The following CPLANE1 variants were observed in gnomAD, a reference collection of about 807,000 sequenced individuals.
CPLANE1 encodes the protein ciliogenesis and planar polarity effector 1.
CPLANE1 carries 263 observed loss-of-function variants against 362.5 expected under a neutral mutation model. The ratio of observed to expected loss-of-function variants is 0.73; its 90% CI spans 0.66 to 0.80. CPLANE1 has a LOEUF of 0.80. Among genes scored for constraint, CPLANE1 ranks in the 30% least tolerant of loss-of-function variants. The pLI is 0.00. For missense variants in CPLANE1, 3,461 were observed against 3,793.4 expected (o/e 0.91, Z 2.30); for synonymous variants, 1,212 against 1,302.6 (o/e 0.93, Z 1.50).
At chr5:37,122,122 G>A (rs1482514405) in intron 48 of CPLANE1, among the ~76,000 whole-genome samples, 1 of 152,112 alleles carries the variant, frequency 6.6e-6, no homozygotes, top group East Asian at 1.9e-4. Flanking sequence ...TGATTAGGCA[G>A]TATTATTAAA....
intron 16 of CPLANE1, chr5:37,210,136 A>C: frequency 1.0e-6 from 1 of 954,934 alleles, no homozygotes; most frequent in Non-Finnish European, 1.7e-6. Context: ...GCAAAATCTG[A>C]AGCCCTTGTT....
intron 21 of CPLANE1, among the ~76,000 whole-genome samples, chr5:37,192,757 G>T (rs996917477): frequency 6.7e-6 from 1 of 148,530 alleles, no homozygotes; most frequent in Admixed American, 6.7e-5. Context: ...CCAGCTACTC[G>T]GGAGGCTAAG....
intron 21 of CPLANE1, among the ~76,000 whole-genome samples, 195 bp from the exon 22 acceptor site, chr5:37,188,037 AACAG>A (rs1291952370): frequency 6.6e-6 from 1 of 152,226 alleles, no homozygotes; most frequent in African/African-American, 2.4e-5. Context: ...ATAAGTCACT[AACAG>A]ATATTCATTT....
the CPLANE1 span, among the ~76,000 whole-genome samples, chr5:37,099,227 C>T: frequency 1.4e-4 from 22 of 152,122 alleles, no homozygotes; most frequent in African/African-American, 4.8e-4. Context: ...CAGATCATCC[C>T]ATCACCTAGA....
chr5:37,076,389 G>A, the CPLANE1 span, among the ~76,000 whole-genome samples: 5 of 151,830 alleles, frequency 3.3e-5, no homozygotes, highest in Non-Finnish European at 5.9e-5. Flanking sequence ...TCTGCTCACC[G>A]CAACCTTCGC....
Position 37,226,511 on chromosome 5 carries a change from A to C in CPLANE1, c.2084T>G (p.Val695Gly). 6.5e-7 allele frequency: 1 copy of C among 1,548,594 alleles called. No individual in the cohort carries two copies. Among genetic ancestry groups the C allele is most frequent in the Non-Finnish European group, 8.7e-7 (1 of 1,145,958 alleles). ...LLACFYLLKM[V>G]ADNLNGVYIL... ...GTATACACCATTTAAATTGTCAGCT[A>C]CCATTTTGAGTAAATAAAAACAAGC... The change falls in exon 12 of 53, where the codon GTA becomes GGA. Residue 695 changes from valine to glycine, a missense_variant. This residue lies in a region of CPLANE1 where 3,380 missense variants were observed against 3,666.1 expected (regional missense o/e 0.92). Transcript: ENST00000651892.
intron 32 of CPLANE1, among the ~76,000 whole-genome samples, chr5:37,170,941 C>T (rs373832853): frequency 4.0e-5 from 6 of 151,830 alleles, no homozygotes; most frequent in African/African-American, 1.2e-4. Context: ...TCTACACACA[C>T]GAAAAAAGAC....
rs772468415 is a variant in CPLANE1, at chr5:37,227,442, T to C, written c.1372-50A>G. The C allele has an allele frequency of 2.0e-6, 3 of 1,500,680 alleles. No homozygotes were observed. In the South Asian group the frequency reaches 4.0e-5, roughly 20 times the overall value. The allele number at this position is 1,500,680 out of a possible 1,614,324, so 93.0% of individuals were successfully genotyped here. On this transcript the variant is annotated intron_variant, in intron 10 of 52. Coordinates refer to ENST00000651892, the MANE Select transcript of CPLANE1 (RefSeq NM_001384732.1). Reference sequence around the variant, plus strand: ...TCCAAGAGCAAAATGTTATCTGTAATTCTATTATAAGCAATTAAAAATTCT... The same window carrying C: ...TCCAAGAGCAAAATGTTATCTGTAACTCTATTATAAGCAATTAAAAATTCT...
intron 35 of CPLANE1, 104 bp downstream of exon 35, chr5:37,166,943 T>A: frequency 1.2e-6 from 1 of 860,666 alleles, no homozygotes; most frequent in Non-Finnish European, 1.8e-6. Context: ...GAATGTGCAA[T>A]TGTGTATAGC....
intron 23 of CPLANE1, among the ~76,000 whole-genome samples, chr5:37,186,789 G>C (rs1454139881): frequency 6.6e-6 from 1 of 152,132 alleles, no homozygotes; most frequent in East Asian, 1.9e-4. Flanking sequence ...GCCCGGCGCG[G>C]TGGCTCACGC....
At chr5:37,098,068 T>A in the CPLANE1 span, among the ~76,000 whole-genome samples, 2 of 151,954 alleles carry the variant, frequency 1.3e-5, no homozygotes, top group Non-Finnish European at 2.9e-5. Context: ...AGAGACAGAC[T>A]CCAATACAGT....
At chr5:37,157,522 G>C in intron 40 of CPLANE1, 102 bp from the exon 41 acceptor site, 1 of 1,138,262 alleles carries the variant, frequency 8.8e-7, no homozygotes, top group Non-Finnish European at 1.3e-6. Flanking sequence ...AAGGTAATCC[G>C]AAGATTAACA....
chr5:37,131,360 C>G (rs888083933), intron 46 of CPLANE1, among the ~76,000 whole-genome samples: 1 of 152,118 alleles, frequency 6.6e-6, no homozygotes, highest in African/African-American at 2.4e-5. Flanking sequence ...TTCTAATGCA[C>G]AAACTCTAGC....
chr5:37,085,632 T>A, the CPLANE1 span: 1 of 990,190 alleles, frequency 1.0e-6, no homozygotes, highest in Non-Finnish European at 1.6e-6. Context: ...AACCTGGGAA[T>A]AACTGGTGTG....
the CPLANE1 span, among the ~76,000 whole-genome samples, chr5:37,088,320 G>C: frequency 6.6e-6 from 1 of 152,204 alleles, no homozygotes; most frequent in East Asian, 1.9e-4. Flanking sequence ...AGCCACAGTT[G>C]GGGAGCTTCT....
intron 12 of CPLANE1, among the ~76,000 whole-genome samples, chr5:37,225,037 AGCCTC>A (rs1208087352): frequency 2.0e-5 from 3 of 149,670 alleles, no homozygotes; most frequent in Non-Finnish European, 3.0e-5. Flanking sequence ...ACCCTACCTC[AGCCTC>A]CCGAACAGGT....
rs757626213 is a variant in CPLANE1, at chr5:37,183,580, G to A, written c.4601C>T (p.Thr1534Ile). 3.1e-6 allele frequency: 5 copies of A among 1,612,154 alleles called. No individual in the cohort carries two copies. In the South Asian group the frequency reaches 3.3e-5, roughly 11 times the overall value. Residue 1534 changes from threonine to isoleucine, a missense_variant, in exon 26 of 53, where the codon ACA becomes ATA. Transcript: ENST00000651892. Reference sequence around the variant, plus strand: ...TTCCCAAACACCTATTACAGGAAGTGTATTTTGTGATAACTTTTCATGATC... The same window carrying A: ...TTCCCAAACACCTATTACAGGAAGTATATTTTGTGATAACTTTTCATGATC... Reference protein sequence around the residue: ...KEDHEKLSQNTLPVIGVWEFE... With the variant: ...KEDHEKLSQNILPVIGVWEFE...
chr5:37,217,031 T>C (rs1794231083), intron 15 of CPLANE1, among the ~76,000 whole-genome samples: 1 of 152,196 alleles, frequency 6.6e-6, no homozygotes. Context: ...GAAAATTTTA[T>C]TAGCCTTCAA....
At position 37,227,689 on chromosome 5, in the gene CPLANE1, C is replaced by T; in HGVS notation, c.1250G>A (p.Gly417Glu). ...SRLPYLVISD[G>E]YMVTTLRFLD... ...AAATCGAAGGGTTGTGACCATATAT[C>T]CATCAGATATAACGAGGTAGGGTAA... Residue 417 changes from glycine (G) to glutamate (E), a missense_variant, in exon 10 of 53, where the codon GGA (glycine) becomes GAA (glutamate). Gly to Glu is a moderately conservative substitution (Grantham distance 98, BLOSUM62 -2). Around this residue, in one of 2 missense-constraint regions of CPLANE1, gnomAD observed 3,380 missense variants for 3,666.1 expected, o/e 0.92. Coordinates refer to ENST00000651892, the MANE Select transcript of CPLANE1 (RefSeq NM_001384732.1). The T allele has an allele frequency of 6.4e-7, 1 of 1,551,380 alleles. No individual in the cohort carries two copies.
Sources: gnomAD v4.1 joint callset for allele counts (sites outside exome capture counted in the v4.1 genomes callset) on GRCh38, gnomAD v4.1.1 for gene constraint, gnomAD v4.1.1 regional missense constraint, MANE v1.5 for transcripts, NCBI Gene and HGNC (gene_info 2026-07-23, HGNC 2026-07-21) for gene names.